POLA1: variants seen among roughly 807,000 people sequenced by gnomAD.
POLA1 encodes DNA polymerase alpha catalytic subunit.
Under a neutral mutation model 124.0 loss-of-function variants are expected in POLA1, and 15 were observed. The observed-to-expected ratio is 0.12, with a 90% confidence interval of 0.08 to 0.19. POLA1 has a LOEUF of 0.19. POLA1 is among the 10% of genes least tolerant of loss of function. The pLI is 1.00. For synonymous variants in POLA1, 408 were observed against 389.4 expected (o/e 1.05, Z -0.56); for missense variants, 886 against 1,103.4 (o/e 0.80, Z 2.79).
chrX:24,839,012 A>G (rs1199581229), intron 32 of POLA1, among the ~76,000 whole-genome samples: 1 of 112,153 alleles, frequency 8.9e-6, no homozygotes, highest in African/African-American at 3.2e-5. Context: ...CACCTTTTCA[A>G]AAAAGATTCC....
At chrX:24,867,365 A>C (rs760109374) in intron 34 of POLA1, among the ~76,000 whole-genome samples, 1 of 111,377 alleles carries the variant, frequency 9.0e-6, no homozygotes, top group East Asian at 2.8e-4. Context: ...TTTTTGACCT[A>C]GAGTTACTCG....
At chrX:24,699,580 C>T in intron 2 of POLA1, 31 bp downstream of exon 2, 2 of 1,082,472 alleles carry the variant, frequency 1.8e-6, no homozygotes, top group East Asian at 6.3e-5. Flanking sequence ...TTTATTCTTC[C>T]TGTGCATCAT....
At chrX:24,841,870 A>G (rs1257966518) in intron 33 of POLA1, 40 bp downstream of exon 33, 30 of 1,021,632 alleles carry the variant, frequency 2.9e-5, no homozygotes, top group Admixed American at 2.3e-4. Flanking sequence ...GTGAACTTGT[A>G]TAAAGGCCTT....
intron 4 of POLA1, among the ~76,000 whole-genome samples, chrX:24,711,867 G>A (rs895843147): frequency 8.9e-6 from 1 of 111,991 alleles, no homozygotes; most frequent in Non-Finnish European, 1.9e-5. Flanking sequence ...CAAAGTGCTG[G>A]GATTACAGGC....
At chrX:24,816,086 T>C (rs1027740478) in intron 30 of POLA1, among the ~76,000 whole-genome samples, 1 of 112,375 alleles carries the variant, frequency 8.9e-6, no homozygotes, top group Non-Finnish European at 1.9e-5. Context: ...ATAACTCTAT[T>C]GAACATCTTT....
At chrX:24,847,553 C>T (rs928373439) in intron 34 of POLA1, among the ~76,000 whole-genome samples, 1 of 111,988 alleles carries the variant, frequency 8.9e-6, no homozygotes, top group African/African-American at 3.2e-5. Context: ...TCTCAAAGAA[C>T]ACATGAACAG....
intron 34 of POLA1, among the ~76,000 whole-genome samples, chrX:24,882,799 C>T (rs1386945785): frequency 9.2e-6 from 1 of 108,327 alleles, no homozygotes; most frequent in Non-Finnish European, 1.9e-5. Flanking sequence ...ATGAATAGTG[C>T]TGCAATGAAC....
At chrX:24,972,256 C>T (rs2048313253) in intron 36 of POLA1, among the ~76,000 whole-genome samples, 1 of 112,372 alleles carries the variant, frequency 8.9e-6, no homozygotes, top group East Asian at 2.8e-4. Flanking sequence ...CAGGCGTGAG[C>T]CACCGGGCCT....
At chrX:24,815,242 A>G (rs758717303) in intron 30 of POLA1, 131 bp downstream of exon 30, 49 of 575,071 alleles carry the variant, frequency 8.5e-5, no homozygotes, top group South Asian at 2.1e-4. Flanking sequence ...CTTAACAACT[A>G]TCTCACAGAT....
At chrX:24,740,763 C>G (rs779792804) in intron 20 of POLA1, among the ~76,000 whole-genome samples, 2 of 111,509 alleles carry the variant, frequency 1.8e-5, no homozygotes, top group African/African-American at 6.5e-5. Flanking sequence ...AATGCTCTTT[C>G]CATAAGGCTT....
At chrX:24,982,587 A>T in intron 36 of POLA1, among the ~76,000 whole-genome samples, 1 of 111,477 alleles carries the variant, frequency 9.0e-6, no homozygotes, top group Non-Finnish European at 1.9e-5. Context: ...TGAAAGCAAA[A>T]AAAAAAGTCG....
At chrX:24,805,124 C>T (rs2045776169) in intron 26 of POLA1, among the ~76,000 whole-genome samples, 1 of 110,885 alleles carries the variant, frequency 9.0e-6, no homozygotes, top group African/African-American at 3.3e-5. Context: ...TATTGCTCTC[C>T]CCACCTCCAC....
chrX:24,758,590 G>A (rs1440412436), intron 26 of POLA1, among the ~76,000 whole-genome samples: 1 of 112,671 alleles, frequency 8.9e-6, no homozygotes, highest in African/African-American at 3.2e-5. Flanking sequence ...CCTGGGGTCT[G>A]TGAGTGTAAG....
At position 24,967,373 on chromosome X, in the gene POLA1, G is replaced by A. The variant is rs182476703; in HGVS notation, c.4262-28432G>A. Among the ~76,000 whole-genome samples the A allele has an allele frequency of 6.3e-5, 7 of 111,055 alleles. No homozygotes were observed. The East Asian group carries it at 2.0e-3, about 31-fold the overall frequency. The stretch of plus-strand genomic sequence containing the variant: ...TATGCTGATTGTTTGAGGGGCTGTA[G>A]TATTAAGAAATTGAGGCTGGGCGCA... On this transcript the variant is annotated intron_variant, in intron 36 of 36. Transcript: ENST00000379068.
chrX:24,951,343 A>AACCC (rs2048039914), intron 36 of POLA1, among the ~76,000 whole-genome samples: 4 of 40,937 alleles, frequency 9.8e-5, no homozygotes, highest in Non-Finnish European at 1.4e-4. Context: ...ACACCTCCCT[A>AACCC]CCCCCCCCCC....
At chrX:24,950,887 T>C (rs1232529334) in intron 36 of POLA1, among the ~76,000 whole-genome samples, 1 of 112,113 alleles carries the variant, frequency 8.9e-6, no homozygotes, top group African/African-American at 3.2e-5. Context: ...GATTGGCTGG[T>C]GTAAGTTGGA....
intron 25 of POLA1, among the ~76,000 whole-genome samples, chrX:24,748,666 G>A (rs1349599310): frequency 8.9e-6 from 1 of 112,223 alleles, no homozygotes. Context: ...CTGGCTCCTG[G>A]GAGCTTTGGA....
intron 15 of POLA1, among the ~76,000 whole-genome samples, chrX:24,728,579 G>GT (rs2148366019): frequency 8.9e-6 from 1 of 111,770 alleles, no homozygotes; most frequent in South Asian, 3.7e-4. Context: ...CTACTCTCCA[G>GT]TTTTTTTAAT....
intron 36 of POLA1, among the ~76,000 whole-genome samples, chrX:24,939,666 CAT>C (rs961949916): frequency 7.2e-5 from 8 of 111,591 alleles, no homozygotes; most frequent in African/African-American, 2.0e-4. Flanking sequence ...AGCTGGAACT[CAT>C]AGGCCAGGAC....
Sources: allele counts gnomAD v4.1 joint callset (sites outside exome capture counted in the v4.1 genomes callset), GRCh38; gene constraint gnomAD v4.1.1; transcripts MANE v1.5; gene names NCBI Gene and HGNC (gene_info 2026-07-23, HGNC 2026-07-21).